Variants in NRG1 observed in about 807,000 individuals in gnomAD.
NRG1 encodes neuregulin 1.
A neutral mutation model predicts 63.8 loss-of-function variants in NRG1; 18 were observed. That is an observed-to-expected ratio of 0.28 (90% CI 0.19 to 0.42). The LOEUF is 0.42. Ranked by LOEUF, NRG1 falls within the 10% of genes least tolerant of loss-of-function variation. The probability of loss-of-function intolerance (pLI) is 1.00; values close to 1 mark genes in which losing one functional copy is unlikely to be tolerated. For missense variants in NRG1, 762 were observed against 814.7 expected, an observed-to-expected ratio of 0.94 and a Z score of 0.79; for synonymous variants, 302 against 301.3, an observed-to-expected ratio of 1.00 and a Z score of -0.02.
chr8:32,264,195 T>TGG (rs1563247841), intron 1 of NRG1, among the ~76,000 whole-genome samples: 2 of 152,204 alleles, frequency 1.3e-5, no homozygotes, highest in Admixed American at 1.3e-4. Flanking sequence ...AAGAAGAATT[T>TGG]GTCTAATAAA....
chr8:32,499,054 A>C (rs147791680), intron 1 of NRG1, among the ~76,000 whole-genome samples: 13 of 152,324 alleles, frequency 8.5e-5, no homozygotes, highest in African/African-American at 3.1e-4. Flanking sequence ...CCTGAGAGGT[A>C]AGAGACCTGC....
chr8:32,017,048 G>T (rs182281036), intron 1 of NRG1, among the ~76,000 whole-genome samples: 2 of 152,282 alleles, frequency 1.3e-5, no homozygotes, highest in East Asian at 3.9e-4. Flanking sequence ...AGATGTTAAA[G>T]CATCAAAACA....
intron 1 of NRG1, among the ~76,000 whole-genome samples, chr8:31,830,894 C>G (rs998555807): frequency 6.6e-6 from 1 of 152,088 alleles, no homozygotes; most frequent in African/African-American, 2.4e-5. Context: ...CTCAGCCCCT[C>G]CCCCAATACC....
At chr8:32,417,849 T>C (rs7845630) in intron 1 of NRG1, among the ~76,000 whole-genome samples, 64,758 of 152,028 alleles carry the variant, frequency 0.43, 13,974 homozygotes, top group Admixed American at 0.47. Flanking sequence ...CTTTTATTAT[T>C]GTAATAGTGT....
intron 1 of NRG1, among the ~76,000 whole-genome samples, chr8:32,325,867 G>A (rs1487473130): frequency 6.6e-6 from 1 of 152,108 alleles, no homozygotes; most frequent in African/African-American, 2.4e-5. Context: ...ATTGCTTACA[G>A]CACAACACAG....
chr8:32,323,653 G>A (rs1303656395), intron 1 of NRG1, among the ~76,000 whole-genome samples: 1 of 152,366 alleles, frequency 6.6e-6, no homozygotes, highest in African/African-American at 2.4e-5. Flanking sequence ...TTGAGGGCAC[G>A]TAAGCCATTT....
At chr8:32,646,756 C>T in intron 5 of NRG1, 2 of 985,326 alleles carry the variant, frequency 2.0e-6, no homozygotes, top group Non-Finnish European at 2.4e-6. Context: ...CTGCCTGCCT[C>T]TCTTTGATTT....
chr8:31,808,103 A>T (rs142380942), intron 1 of NRG1, among the ~76,000 whole-genome samples: 3 of 152,080 alleles, frequency 2.0e-5, no homozygotes, highest in Admixed American at 2.0e-4. Flanking sequence ...TCATCTTTTA[A>T]CTGGAATTAT....
chr8:31,966,675 G>T (rs1012622117), intron 1 of NRG1, among the ~76,000 whole-genome samples: 1 of 152,116 alleles, frequency 6.6e-6, no homozygotes, highest in Non-Finnish European at 1.5e-5. Flanking sequence ...ATTCCAAACT[G>T]CATTGTCCCA....
intron 1 of NRG1, among the ~76,000 whole-genome samples, chr8:32,091,331 C>A (rs1829122832): frequency 6.6e-6 from 1 of 151,232 alleles, no homozygotes; most frequent in Non-Finnish European, 1.5e-5. Context: ...ATTCCTACAA[C>A]CTCTCAGTGC....
At chr8:32,700,652 A>G (rs546137965) in intron 5 of NRG1, among the ~76,000 whole-genome samples, 5 of 152,342 alleles carry the variant, frequency 3.3e-5, no homozygotes, top group Middle Eastern at 6.8e-3. Context: ...GAATAGAGTT[A>G]AAGTTTGTAT....
intron 5 of NRG1, among the ~76,000 whole-genome samples, chr8:32,689,027 A>C (rs1265367679): frequency 1.3e-5 from 2 of 152,176 alleles, no homozygotes; most frequent in African/African-American, 4.8e-5. Context: ...GGAGTGCTGC[A>C]GCCAAGAAAA....
At chr8:31,908,403 G>T (rs1462551170) in intron 1 of NRG1, among the ~76,000 whole-genome samples, 1 of 152,178 alleles carries the variant, frequency 6.6e-6, no homozygotes, top group African/African-American at 2.4e-5. Flanking sequence ...TCTTGTTAGG[G>T]CTCCATTTGT....
chr8:31,936,317 G>GT (rs768918437), intron 1 of NRG1, among the ~76,000 whole-genome samples: 42 of 152,246 alleles, frequency 2.8e-4, no homozygotes, highest in Middle Eastern at 3.4e-3. Flanking sequence ...TATTTCATAA[G>GT]TTTTTTGTTG....
chr8:32,163,259 C>G (rs938618437), intron 1 of NRG1, among the ~76,000 whole-genome samples: 3 of 152,150 alleles, frequency 2.0e-5, no homozygotes, highest in Non-Finnish European at 4.4e-5. Flanking sequence ...CTTCCTCAAG[C>G]CTCCTTTGTA....
At chr8:31,775,360 C>T (rs1016632509) in intron 1 of NRG1, among the ~76,000 whole-genome samples, 2 of 152,160 alleles carry the variant, frequency 1.3e-5, no homozygotes, top group Non-Finnish European at 2.9e-5. Context: ...TCAAGTATCA[C>T]GTTCTCACTT....
At position 32,337,887 on chromosome 8, in the gene NRG1, A is replaced by G. The variant is rs367840576; in HGVS notation, c.38-257941A>G. Among the ~76,000 whole-genome samples the G allele has an allele frequency of 7.7e-4, 117 of 152,254 alleles. 2 individuals carry two copies. In the South Asian group the frequency reaches 0.023, roughly 30 times the overall value. The stretch of plus-strand genomic sequence containing the variant: ...AGAAGATTTAGGAAAGGAGATTGAA[A>G]TGACTTATGTGGGGTCACAGAACTA... On this transcript the variant is annotated intron_variant, in intron 1 of 10. Coordinates refer to the NRG1 transcript ENST00000519301.
intron 1 of NRG1, among the ~76,000 whole-genome samples, chr8:32,291,281 A>G (rs1156941900): frequency 6.6e-6 from 1 of 152,110 alleles, no homozygotes; most frequent in East Asian, 1.9e-4. Flanking sequence ...ATAATGCTTG[A>G]CCAAATGTTG....
At chr8:31,799,310 A>C (rs967603416) in intron 1 of NRG1, among the ~76,000 whole-genome samples, 9 of 152,152 alleles carry the variant, frequency 5.9e-5, no homozygotes, top group Non-Finnish European at 1.0e-4. Context: ...GAAGGCTTCT[A>C]TATTAATGAT....
Sources: gnomAD v4.1 joint callset for allele counts (sites outside exome capture counted in the v4.1 genomes callset) on GRCh38, gnomAD v4.1.1 for gene constraint, MANE v1.5 for transcripts, NCBI Gene and HGNC (gene_info 2026-07-23, HGNC 2026-07-21) for gene names.